Variants in SBF2 observed in about 807,000 individuals in gnomAD.
SBF2 encodes SET binding factor 2.
A neutral mutation model predicts 225.2 loss-of-function variants in SBF2; 112 were observed. That is an observed-to-expected ratio of 0.50 (90% CI 0.43 to 0.58). The LOEUF (loss-of-function observed/expected upper bound fraction) is 0.58. Among genes scored for constraint, SBF2 ranks in the 20% least tolerant of loss-of-function variants. The pLI, the probability that SBF2 is intolerant of heterozygous loss-of-function variation, is 0.00. For missense variants in SBF2, 1,996 were observed against 2,206.2 expected (o/e 0.90, Z 1.91); for synonymous variants, 763 against 773.3 (o/e 0.99, Z 0.22).
At chr11:10,286,322 A>T (rs1343252171) in intron 1 of SBF2, among the ~76,000 whole-genome samples, 1 of 151,568 alleles carries the variant, frequency 6.6e-6, no homozygotes. Context: ...TTATATCTCA[A>T]TAAAGCTAGA....
chr11:10,245,398 G>A (rs1264870808), intron 1 of SBF2, among the ~76,000 whole-genome samples: 1 of 151,864 alleles, frequency 6.6e-6, no homozygotes, highest in African/African-American at 2.4e-5. Context: ...CTCCAGCCTG[G>A]GCAACACAGC....
At chr11:10,050,377 A>T (rs912565277) in intron 2 of SBF2, among the ~76,000 whole-genome samples, 2 of 152,120 alleles carry the variant, frequency 1.3e-5, no homozygotes, top group Admixed American at 1.3e-4. Flanking sequence ...TGGTTACCTA[A>T]AACTGTGGAT....
chr11:9,875,351 G>C (rs982619091), intron 17 of SBF2, among the ~76,000 whole-genome samples: 1 of 152,120 alleles, frequency 6.6e-6, no homozygotes, highest in Admixed American at 6.6e-5. Flanking sequence ...CACTTCTAAG[G>C]CTTCTAGGAA....
chr11:9,991,277 T>C (rs1947422224), intron 12 of SBF2, among the ~76,000 whole-genome samples: 1 of 152,212 alleles, frequency 6.6e-6, no homozygotes, highest in South Asian at 2.1e-4. Flanking sequence ...TCATATGCTT[T>C]GTGTTTTTAA....
At chr11:10,047,140 G>T (rs1949895366) in intron 2 of SBF2, among the ~76,000 whole-genome samples, 1 of 152,072 alleles carries the variant, frequency 6.6e-6, no homozygotes, top group African/African-American at 2.4e-5. Context: ...AATAAATGAA[G>T]AGAGATTCTA....
chr11:10,190,087 G>A (rs914663358), intron 2 of SBF2, among the ~76,000 whole-genome samples: 3 of 151,542 alleles, frequency 2.0e-5, no homozygotes, highest in Non-Finnish European at 4.4e-5. Flanking sequence ...GGAGGCAGAG[G>A]CTGCAGTGAG....
chr11:9,828,066 A>G (rs1025435476), intron 28 of SBF2: 2 of 1,021,516 alleles, frequency 2.0e-6, no homozygotes, highest in Non-Finnish European at 2.6e-6. Context: ...ACTATCTAGA[A>G]AAATGCTTTC....
At chr11:10,200,592 A>G (rs1195472824) in intron 1 of SBF2, among the ~76,000 whole-genome samples, 2 of 152,174 alleles carry the variant, frequency 1.3e-5, no homozygotes, top group Non-Finnish European at 2.9e-5. Flanking sequence ...TTCAGACTCA[A>G]GTTTTATCCC....
At chr11:10,257,549 C>G (rs1354638489) in intron 1 of SBF2, among the ~76,000 whole-genome samples, 1 of 151,394 alleles carries the variant, frequency 6.6e-6, no homozygotes, top group East Asian at 1.9e-4. Context: ...CCTCCACTCT[C>G]AGCTACTCAG....
chr11:10,210,775 G>A (rs2135381360), intron 1 of SBF2, among the ~76,000 whole-genome samples: 1 of 152,116 alleles, frequency 6.6e-6, no homozygotes, highest in Admixed American at 6.5e-5. Context: ...CACTTTGGGA[G>A]GCCGAGGGAG....
Position 9,829,476 on chromosome 11 carries a change from A to T in SBF2, c.3673T>A (p.Ser1225Thr), listed in dbSNP as rs371544430. The T allele has an allele frequency of 6.2e-6, 10 of 1,612,522 alleles. No individual in the cohort carries two copies. The African/African-American group carries it at 1.1e-4, about 17-fold the overall frequency. The change falls in exon 28 of 40, where the codon TCT becomes ACT. Residue 1225 changes from serine to threonine, a missense_variant. Coordinates refer to ENST00000256190, the MANE Select transcript of SBF2 (RefSeq NM_030962.4). ...PQAAPTSSLE[S>T]SSSIEQEKYL... ...TTCTCTTGTTCTATGCTACTGGAAG[A>T]TTCTAAAGAGGAGGTAGGAGCTATA...
intron 2 of SBF2, among the ~76,000 whole-genome samples, chr11:10,185,116 G>T (rs1228717189): frequency 4.6e-5 from 7 of 150,778 alleles, no homozygotes; most frequent in Non-Finnish European, 1.0e-4. Context: ...TTCTGGGGGG[G>T]GGTGTGTGTG....
intron 6 of SBF2, among the ~76,000 whole-genome samples, chr11:10,020,668 G>C (rs1472678166): frequency 6.6e-6 from 1 of 152,080 alleles, no homozygotes; most frequent in Non-Finnish European, 1.5e-5. Flanking sequence ...TTTTGCTGCA[G>C]ACTCCTATGG....
chr11:10,059,395 A>AT (rs933908075), intron 2 of SBF2, among the ~76,000 whole-genome samples: 10 of 152,182 alleles, frequency 6.6e-5, no homozygotes, highest in Middle Eastern at 3.2e-3. Context: ...ACCAACAAAG[A>AT]TAAAAAAAAG....
intron 1 of SBF2, among the ~76,000 whole-genome samples, chr11:10,247,454 G>C (rs919983033): frequency 6.6e-6 from 1 of 150,790 alleles, no homozygotes; most frequent in African/African-American, 2.5e-5. Flanking sequence ...GCCGAGGTGG[G>C]AAGATCACTT....
At chr11:10,127,235 T>C (rs1003895689) in intron 2 of SBF2, among the ~76,000 whole-genome samples, 1 of 152,110 alleles carries the variant, frequency 6.6e-6, no homozygotes, top group Non-Finnish European at 1.5e-5. Flanking sequence ...ATTAAATAAA[T>C]ACAGATTCCT....
chr11:10,246,998 G>C (rs59476140), intron 1 of SBF2, among the ~76,000 whole-genome samples: 1,620 of 152,196 alleles, frequency 0.011, 34 homozygotes, highest in African/African-American at 0.037. Context: ...GAGGCAGGAA[G>C]ATCACTTGAG....
intron 32 of SBF2, among the ~76,000 whole-genome samples, chr11:9,796,585 G>A (rs429835): frequency 0.35 from 53,210 of 152,048 alleles, 10,289 homozygotes; most frequent in African/African-American, 0.53. Context: ...GAAGGAGCCA[G>A]TAGAGAAAAC....
intron 16 of SBF2, among the ~76,000 whole-genome samples, chr11:9,906,857 T>C (rs1209643076): frequency 1.3e-5 from 2 of 152,238 alleles, no homozygotes; most frequent in Non-Finnish European, 2.9e-5. Flanking sequence ...CCTGCTACAA[T>C]TGAAGAGTGA....
Sources: allele counts gnomAD v4.1 joint callset (sites outside exome capture counted in the v4.1 genomes callset), GRCh38; gene constraint gnomAD v4.1.1; transcripts MANE v1.5; gene names NCBI Gene and HGNC (gene_info 2026-07-23, HGNC 2026-07-21).